Variants in TENM3 observed in about 807,000 individuals in gnomAD.
TENM3 encodes the protein teneurin transmembrane protein 3, also known as teneurin-3.
TENM3 carries 63 observed loss-of-function variants against 255.1 expected under a neutral mutation model. The ratio of observed to expected loss-of-function variants is 0.25; its 90% CI spans 0.20 to 0.30. TENM3 has a LOEUF of 0.30. Among genes scored for constraint, TENM3 ranks in the 10% least tolerant of loss-of-function variants. The probability of loss-of-function intolerance (pLI) is 1.00; values close to 1 mark genes in which losing one functional copy is unlikely to be tolerated. For synonymous variants in TENM3, 1,306 were observed against 1,322.3 expected (o/e 0.99, Z 0.27); for missense variants, 2,929 against 3,461.1 (o/e 0.85, Z 3.86).
the TENM3 span, among the ~76,000 whole-genome samples, chr4:181,898,261 TACACACACACAC>T: frequency 1.5e-4 from 22 of 149,886 alleles, no homozygotes; most frequent in Non-Finnish European, 1.3e-4. Flanking sequence ...CATCTGCAGC[TACACACACACAC>T]ACACACACAC....
At chr4:181,964,075 T>C in the TENM3 span, among the ~76,000 whole-genome samples, 1 of 151,896 alleles carries the variant, frequency 6.6e-6, no homozygotes, top group African/African-American at 2.4e-5. Flanking sequence ...CGATTTTTTT[T>C]TTTTTTTTGA....
intron 12 of TENM3, among the ~76,000 whole-genome samples, chr4:182,710,010 A>G (rs1445600106): frequency 6.6e-6 from 1 of 152,204 alleles, no homozygotes; most frequent in African/African-American, 2.4e-5. Flanking sequence ...GCTTTGCATA[A>G]TTGATTCTGT....
At chr4:181,596,812 T>G in the TENM3 span, among the ~76,000 whole-genome samples, 1 of 152,132 alleles carries the variant, frequency 6.6e-6, no homozygotes, top group Admixed American at 6.5e-5. Flanking sequence ...GCCATTATCC[T>G]TAGCAAACTC....
chr4:182,363,625 A>C, intron 3 of TENM3, among the ~76,000 whole-genome samples: 1 of 152,238 alleles, frequency 6.6e-6, no homozygotes, highest in Non-Finnish European at 1.5e-5. Flanking sequence ...ATTTTAAAGA[A>C]TATGTATACA....
chr4:181,971,739 A>T, the TENM3 span, among the ~76,000 whole-genome samples: 5 of 151,966 alleles, frequency 3.3e-5, no homozygotes, highest in African/African-American at 7.2e-5. Flanking sequence ...GTTAATTTTT[A>T]AAAAATGTTT....
intron 2 of TENM3, among the ~76,000 whole-genome samples, chr4:182,340,986 A>G (rs1764453755): frequency 6.6e-6 from 1 of 152,200 alleles, no homozygotes; most frequent in African/African-American, 2.4e-5. Flanking sequence ...GGAGAAATGA[A>G]TGGTTATTCT....
chr4:182,302,675 T>C (rs1028319157), intron 1 of TENM3, among the ~76,000 whole-genome samples: 8 of 152,126 alleles, frequency 5.3e-5, no homozygotes, highest in Admixed American at 4.6e-4. Flanking sequence ...GTGTGATAAA[T>C]TTGTTCTATC....
intron 1 of TENM3, among the ~76,000 whole-genome samples, chr4:182,161,634 T>C (rs1437923837): frequency 2.3e-5 from 2 of 85,388 alleles, no homozygotes; most frequent in African/African-American, 8.9e-5. Context: ...TACAAATATA[T>C]ATATGTATAT....
At chr4:181,805,894 T>C in the TENM3 span, among the ~76,000 whole-genome samples, 1 of 152,186 alleles carries the variant, frequency 6.6e-6, no homozygotes, top group Non-Finnish European at 1.5e-5. Context: ...GCTCTCCATC[T>C]GTGGAAGAAT....
chr4:182,697,823 A>G (rs1339992873), intron 12 of TENM3: 10 of 152,144 alleles, frequency 6.6e-5, no homozygotes, highest in Admixed American at 5.9e-4. Flanking sequence ...TCTTTTCTAC[A>G]AATGCAAACC....
At chr4:182,694,353 A>G (rs1024162655) in intron 12 of TENM3, among the ~76,000 whole-genome samples, 2 of 152,096 alleles carry the variant, frequency 1.3e-5, no homozygotes, top group African/African-American at 4.8e-5. Flanking sequence ...GACGCAAGCA[A>G]TCCACCTGCC....
chr4:182,473,403 G>A (rs10021171), intron 3 of TENM3, among the ~76,000 whole-genome samples: 1,929 of 152,316 alleles, frequency 0.013, 39 homozygotes, highest in African/African-American at 0.044. Context: ...GCCGGGTGCC[G>A]TGGCTCATGC....
At chr4:181,649,539 GA>G in the TENM3 span, among the ~76,000 whole-genome samples, 121 of 152,274 alleles carry the variant, frequency 7.9e-4, no homozygotes, top group African/African-American at 2.7e-3. Flanking sequence ...AAAGAAGCTA[GA>G]AAAAATCCTT....
At chr4:182,070,563 G>C in the TENM3 span, among the ~76,000 whole-genome samples, 1 of 152,204 alleles carries the variant, frequency 6.6e-6, no homozygotes, top group Non-Finnish European at 1.5e-5. Context: ...GATGCAGTGA[G>C]CTGAAATTGC....
chr4:182,707,215 G>T (rs1758346596), intron 12 of TENM3, among the ~76,000 whole-genome samples: 4 of 151,170 alleles, frequency 2.6e-5, no homozygotes, highest in Admixed American at 6.6e-5. Flanking sequence ...CAAGAGAGGT[G>T]CTGGGGTAGA....
chr4:182,657,084 T>G (rs73869803), intron 6 of TENM3, among the ~76,000 whole-genome samples: 1 of 152,094 alleles, frequency 6.6e-6, no homozygotes, highest in Non-Finnish European at 1.5e-5. Flanking sequence ...TTTAGCCTAA[T>G]GTACTGGAAA....
At chr4:182,766,253 C>G (rs925359671) in intron 22 of TENM3, among the ~76,000 whole-genome samples, 29 of 152,114 alleles carry the variant, frequency 1.9e-4, no homozygotes, top group Admixed American at 1.9e-3. Context: ...TTTACAGATT[C>G]TTTGGAGCAA....
chr4:182,453,335 A>G (rs1486621260), intron 3 of TENM3, among the ~76,000 whole-genome samples: 1 of 152,210 alleles, frequency 6.6e-6, no homozygotes, highest in Non-Finnish European at 1.5e-5. Flanking sequence ...CAAGGGAGGA[A>G]TAATAATTGA....
At chr4:181,693,421 C>A in the TENM3 span, among the ~76,000 whole-genome samples, 1 of 152,172 alleles carries the variant, frequency 6.6e-6, no homozygotes, top group Admixed American at 6.5e-5. Context: ...ACTGACAGTC[C>A]ATTCCTCAGA....
Sources: allele counts gnomAD v4.1 joint callset (sites outside exome capture counted in the v4.1 genomes callset), GRCh38; gene constraint gnomAD v4.1.1; transcripts MANE v1.5; gene names NCBI Gene and HGNC (gene_info 2026-07-23, HGNC 2026-07-21).